Variants in ZNF678 observed in about 807,000 individuals in gnomAD.
ZNF678 encodes the protein hypothetical protein MGC42493.
Under a neutral mutation model 3.0 loss-of-function variants are expected in ZNF678, and 5 were observed. The ratio of observed to expected loss-of-function variants is 1.69; its 90% CI spans 0.88 to 3.56. The LOEUF (loss-of-function observed/expected upper bound fraction) is 3.56, where lower values mean the gene tolerates loss of function less well. Ranked by LOEUF, ZNF678 falls within the 30% of genes most tolerant of loss-of-function variation. The pLI is 0.00. For missense variants in ZNF678, 593 were observed against 605.0 expected (o/e 0.98, Z 0.21); for synonymous variants, 218 against 199.6 (o/e 1.09, Z -0.78).
intron 1 of ZNF678, among the ~76,000 whole-genome samples, chr1:227,569,264 A>G (rs77865808): frequency 0.2 from 29,677 of 152,144 alleles, 3,057 homozygotes; most frequent in East Asian, 0.25. Context: ...TGCTAAGATT[A>G]TAGGTGTGAA....
At chr1:227,595,807 G>T (rs1657569376) in intron 1 of ZNF678, among the ~76,000 whole-genome samples, 1 of 152,152 alleles carries the variant, frequency 6.6e-6, no homozygotes, top group African/African-American at 2.4e-5. Context: ...CAGAGTGCTG[G>T]TACAGGCACA....
At chr1:227,572,008 C>T (rs1039329943) in intron 1 of ZNF678, among the ~76,000 whole-genome samples, 1 of 152,234 alleles carries the variant, frequency 6.6e-6, no homozygotes, top group Non-Finnish European at 1.5e-5. Flanking sequence ...CACCACTGCA[C>T]TCCAGCGTGG....
In ZNF678 at chr1:227,637,833, G is replaced by A. The variant is rs376340247; in HGVS notation, c.-163-8711G>A. On this transcript the variant is annotated intron_variant, in intron 1 of 3. Transcript: ENST00000343776. ...GTTTGCGGAGGCAGGAGAGACTGGAGGAGGGATGTGCGGTCAGTTGTGAGC... is the reference window on the plus strand; with the variant it reads ...GTTTGCGGAGGCAGGAGAGACTGGAAGAGGGATGTGCGGTCAGTTGTGAGC... Among the ~76,000 whole-genome samples, 3 of 152,300 alleles carry A rather than the reference G, an allele frequency of 2.0e-5. No individual in the cohort carries two copies. The East Asian group carries it at 5.8e-4, about 29-fold the overall frequency.
chr1:227,653,235 T>G (rs1659131001), intron 3 of ZNF678, among the ~76,000 whole-genome samples: 3 of 152,040 alleles, frequency 2.0e-5, no homozygotes, highest in Admixed American at 2.0e-4. Flanking sequence ...TAATGTGTCT[T>G]GTTATGGTTC....
intron 1 of ZNF678, 87 bp downstream of exon 1, chr1:227,563,811 C>T: frequency 8.2e-7 from 1 of 1,221,132 alleles, no homozygotes; most frequent in South Asian, 1.3e-5. Flanking sequence ...TCCCGGCTGG[C>T]ACCTGTGGGA....
intron 1 of ZNF678, among the ~76,000 whole-genome samples, chr1:227,594,218 C>A (rs1657502376): frequency 6.6e-6 from 1 of 152,118 alleles, no homozygotes; most frequent in African/African-American, 2.4e-5. Flanking sequence ...AAGCCAGATA[C>A]CATTTTACAT....
At chr1:227,636,525 G>C (rs1170609860) in intron 1 of ZNF678, among the ~76,000 whole-genome samples, 1 of 152,168 alleles carries the variant, frequency 6.6e-6, no homozygotes, top group African/African-American at 2.4e-5. Context: ...CATATATATA[G>C]AAGTGCAATA....
In ZNF678 at chr1:227,655,470, G is replaced by T; in HGVS notation, c.1220G>T (p.Cys407Phe). The T allele has an allele frequency of 4.3e-6, 7 of 1,612,184 alleles. No homozygotes were observed. Among genetic ancestry groups the T allele is most frequent in the Non-Finnish European group, 5.9e-6 (7 of 1,179,108 alleles). ...RIHTGVKPYK[C>F]EECGKVFKQC... ...CATACTGGAGTGAAACCCTACAAATGTGAAGAATGTGGGAAAGTTTTTAAA... is the reference window on the plus strand; with the variant it reads ...CATACTGGAGTGAAACCCTACAAATTTGAAGAATGTGGGAAAGTTTTTAAA... Residue 407 changes from cysteine to phenylalanine, a missense_variant, in exon 4 of 4, where the codon TGT (cysteine) becomes TTT (phenylalanine). By Grantham distance (205) the Cys-to-Phe change is radical. Coordinates refer to ENST00000343776, the MANE Select transcript of ZNF678 (RefSeq NM_001367909.1).
At chr1:227,604,137 A>G (rs1657806341) in intron 1 of ZNF678, among the ~76,000 whole-genome samples, 1 of 152,224 alleles carries the variant, frequency 6.6e-6, no homozygotes, top group Non-Finnish European at 1.5e-5. Flanking sequence ...ATAACAAACA[A>G]TGTTCCAGTG....
At chr1:227,596,986 A>G (rs1420312388) in intron 1 of ZNF678, among the ~76,000 whole-genome samples, 1 of 152,244 alleles carries the variant, frequency 6.6e-6, no homozygotes, top group Non-Finnish European at 1.5e-5. Flanking sequence ...AATTCCTGAA[A>G]TTAATACCCT....
At chr1:227,567,385 G>C (rs1656715755) in intron 1 of ZNF678, among the ~76,000 whole-genome samples, 1 of 152,184 alleles carries the variant, frequency 6.6e-6, no homozygotes, top group African/African-American at 2.4e-5. Context: ...TCTGAGCCCA[G>C]TGACTCTAAG....
chr1:227,614,695 C>T (rs1658101688), intron 1 of ZNF678, among the ~76,000 whole-genome samples: 1 of 152,198 alleles, frequency 6.6e-6, no homozygotes, highest in Admixed American at 6.5e-5. Context: ...CAGATCTTCC[C>T]AGTCTGCAAG....
intron 1 of ZNF678, among the ~76,000 whole-genome samples, chr1:227,590,332 G>A (rs931866813): frequency 5.9e-5 from 9 of 151,682 alleles, no homozygotes; most frequent in Non-Finnish European, 4.4e-5. Context: ...TTCTCTTTCA[G>A]CTGCTAGCAA....
At chr1:227,629,140 G>A (rs2102778588) in intron 1 of ZNF678, among the ~76,000 whole-genome samples, 1 of 152,310 alleles carries the variant, frequency 6.6e-6, no homozygotes, top group African/African-American at 2.4e-5. Context: ...TAGGCCTTGG[G>A]CTTTTAGGTC....
At chr1:227,570,231 A>G (rs371456260) in intron 1 of ZNF678, among the ~76,000 whole-genome samples, 4 of 152,190 alleles carry the variant, frequency 2.6e-5, no homozygotes, top group Non-Finnish European at 5.9e-5. Flanking sequence ...CAGGTTATCT[A>G]CAAACAGTGA....
In ZNF678 at chr1:227,646,593, G is replaced by A. The variant is rs1658963965; in HGVS notation, c.-114G>A. 2 of 1,372,238 alleles carry A rather than the reference G, an allele frequency of 1.5e-6. No homozygotes were observed. The highest frequency in any genetic ancestry group is 2.0e-6 in the Non-Finnish European group (2 of 1,024,590). The allele number at this position is 1,372,238 out of a possible 1,614,324, so 85.0% of individuals were successfully genotyped here. ...GTCATAGAATTCTCTCCAGAGGAGT[G>A]GGCATGCCTGGACCCTGCCCAGCGA... On this transcript the variant is annotated 5_prime_UTR_variant, in exon 2 of 4. It introduces an in-frame stop codon into an upstream open reading frame of the 5' UTR. Transcript: ENST00000343776.
At chr1:227,673,091 G>C (rs1279583696) in intron 5 of ZNF678, among the ~76,000 whole-genome samples, 1 of 152,070 alleles carries the variant, frequency 6.6e-6, no homozygotes, top group Non-Finnish European at 1.5e-5. Flanking sequence ...TGCTACCTCA[G>C]GTTCAACACC....
At chr1:227,613,607 A>C (rs1048472568) in intron 1 of ZNF678, among the ~76,000 whole-genome samples, 3 of 152,206 alleles carry the variant, frequency 2.0e-5, no homozygotes, top group African/African-American at 4.8e-5. Context: ...CAATAAGTTA[A>C]TGTTGGCTGA....
chr1:227,582,053 T>C (rs1657142158), intron 1 of ZNF678, among the ~76,000 whole-genome samples: 2 of 152,200 alleles, frequency 1.3e-5, no homozygotes, highest in South Asian at 4.1e-4. Context: ...CTGAAGGTAA[T>C]TTTTCTTAAG....
Sources: allele counts gnomAD v4.1 joint callset (sites outside exome capture counted in the v4.1 genomes callset), GRCh38; gene constraint gnomAD v4.1.1; transcripts MANE v1.5; gene names NCBI Gene and HGNC (gene_info 2026-07-23, HGNC 2026-07-21).